The following JARID2 variants were observed in gnomAD, a reference collection of about 807,000 sequenced individuals.
The protein encoded by JARID2 is jumonji and AT-rich interaction domain containing 2, also known as protein Jumonji.
In JARID2, 21 loss-of-function variants were observed where a neutral mutation model predicts 125.6. The ratio of observed to expected loss-of-function variants is 0.17; its 90% CI spans 0.12 to 0.24. The LOEUF (loss-of-function observed/expected upper bound fraction) is 0.24, where lower values mean the gene tolerates loss of function less well. Among genes scored for constraint, JARID2 ranks in the 10% least tolerant of loss-of-function variants. JARID2 has a pLI of 1.00. For missense variants in JARID2, 1,303 were observed against 1,639.6 expected (o/e 0.79, Z 3.55); for synonymous variants, 736 against 661.6 (o/e 1.11, Z -1.73).
chr6:15,412,223 T>C (rs1026806706), intron 3 of JARID2, among the ~76,000 whole-genome samples: 7 of 152,168 alleles, frequency 4.6e-5, no homozygotes, highest in African/African-American at 1.7e-4. Context: ...GGGTAGATTT[T>C]GGGGATGGGC....
At chr6:15,426,497 T>A (rs1264812117) in intron 3 of JARID2, among the ~76,000 whole-genome samples, 1 of 152,200 alleles carries the variant, frequency 6.6e-6, no homozygotes, top group Non-Finnish European at 1.5e-5. Flanking sequence ...GTTTGTAGAA[T>A]TAAATGAAAT....
At chr6:15,306,666 A>C (rs1385029296) in intron 1 of JARID2, among the ~76,000 whole-genome samples, 1 of 151,768 alleles carries the variant, frequency 6.6e-6, no homozygotes, top group Non-Finnish European at 1.5e-5. Flanking sequence ...TAAGGATCAT[A>C]CTGTTTATTT....
At chr6:15,331,747 G>C (rs1762718019) in intron 1 of JARID2, among the ~76,000 whole-genome samples, 2 of 152,098 alleles carry the variant, frequency 1.3e-5, no homozygotes, top group African/African-American at 4.8e-5. Context: ...TTGAACCCAG[G>C]AGGTGGAGGT....
At chr6:15,298,408 G>A (rs1026908823) in intron 1 of JARID2, among the ~76,000 whole-genome samples, 1 of 151,902 alleles carries the variant, frequency 6.6e-6, no homozygotes, top group Non-Finnish European at 1.5e-5. Context: ...GTATCTTTTC[G>A]GGCTCGGTGG....
chr6:15,517,617 G>A (rs1324257023), intron 17 of JARID2, among the ~76,000 whole-genome samples: 2 of 152,208 alleles, frequency 1.3e-5, no homozygotes. Flanking sequence ...GTTGGCAGTG[G>A]CCTCTCCAAT....
At chr6:15,438,234 G>A (rs1767296147) in intron 3 of JARID2, among the ~76,000 whole-genome samples, 1 of 152,178 alleles carries the variant, frequency 6.6e-6, no homozygotes, top group South Asian at 2.1e-4. Context: ...GATTGACACA[G>A]TTAAAGATGG....
intron 2 of JARID2, among the ~76,000 whole-genome samples, chr6:15,375,708 G>A (rs1764327272): frequency 6.6e-6 from 1 of 152,148 alleles, no homozygotes; most frequent in Non-Finnish European, 1.5e-5. Flanking sequence ...CACGTTGAAC[G>A]TAGCATCTTG....
chr6:15,431,012 G>A (rs770837412), intron 3 of JARID2, among the ~76,000 whole-genome samples: 14 of 152,128 alleles, frequency 9.2e-5, no homozygotes, highest in African/African-American at 1.7e-4. Context: ...TATTGGTACC[G>A]TGCAGGGCTG....
chr6:15,260,555 A>C lies in JARID2; in HGVS notation c.45+13971A>C, dbSNP rs572793901. 5.3e-4 allele frequency among the ~76,000 whole-genome samples: 80 copies of C among 152,290 alleles called. 1 individual carries two copies. Among genetic ancestry groups the C allele is most frequent in the African/African-American group, 1.6e-3 (67 of 41,564 alleles). On this transcript the variant is annotated intron_variant, in intron 1 of 17. Coordinates refer to ENST00000341776, the MANE Select transcript of JARID2 (RefSeq NM_004973.4). ...AAGAGGTCGGGAAATACTTGTCTCA[A>C]ATATAAACACCAGCTCAATATAAAC...
At chr6:15,412,954 A>G (rs531337683) in intron 3 of JARID2, among the ~76,000 whole-genome samples, 2 of 134,092 alleles carry the variant, frequency 1.5e-5, no homozygotes, top group Non-Finnish European at 3.2e-5. Context: ...TGGTTTTTTT[A>G]CTTGCGAGTT....
chr6:15,456,612 A>C (rs1768188212), intron 4 of JARID2, among the ~76,000 whole-genome samples: 2 of 152,016 alleles, frequency 1.3e-5, no homozygotes, highest in African/African-American at 2.4e-5. Flanking sequence ...CGGGAGGATA[A>C]GTGTGTTTAC....
chr6:15,453,609 A>T (rs1283018498), intron 4 of JARID2, among the ~76,000 whole-genome samples: 4 of 152,232 alleles, frequency 2.6e-5, no homozygotes, highest in Non-Finnish European at 4.4e-5. Flanking sequence ...AAACTAGTAC[A>T]TACTTCTCAT....
chr6:15,272,800 T>C (rs140791058), intron 1 of JARID2, among the ~76,000 whole-genome samples: 8 of 152,330 alleles, frequency 5.3e-5, no homozygotes, highest in African/African-American at 1.9e-4. Context: ...GTGATAATTA[T>C]AGTACCTGGG....
chr6:15,409,601 A>G (rs539010076), intron 2 of JARID2, among the ~76,000 whole-genome samples: 1 of 152,222 alleles, frequency 6.6e-6, no homozygotes, highest in African/African-American at 2.4e-5. Flanking sequence ...TTTGGTTACT[A>G]AAAGCACATC....
At chr6:15,262,935 C>T (rs183060481) in intron 1 of JARID2, among the ~76,000 whole-genome samples, 140 of 152,236 alleles carry the variant, frequency 9.2e-4, no homozygotes, top group African/African-American at 3.2e-3. Context: ...CGTGCTTATA[C>T]GTATTACTAC....
At chr6:15,289,273 T>C (rs1761115635) in intron 1 of JARID2, among the ~76,000 whole-genome samples, 1 of 152,210 alleles carries the variant, frequency 6.6e-6, no homozygotes, top group Non-Finnish European at 1.5e-5. Context: ...GAAAAATAGT[T>C]AAGAATGGTG....
chr6:15,300,256 AC>A (rs1761557213), intron 1 of JARID2, among the ~76,000 whole-genome samples: 2 of 152,194 alleles, frequency 1.3e-5, no homozygotes, highest in South Asian at 4.1e-4. Context: ...TCTTGTAAAC[AC>A]TTAAAAACCT....
chr6:15,483,530 A>G (rs1769724305), intron 5 of JARID2, among the ~76,000 whole-genome samples: 1 of 152,180 alleles, frequency 6.6e-6, no homozygotes, highest in South Asian at 2.1e-4. Context: ...TTTTGTTGAG[A>G]TAAAATTCAC....
intron 1 of JARID2, among the ~76,000 whole-genome samples, chr6:15,257,697 A>G (rs1171719233): frequency 6.6e-6 from 1 of 152,152 alleles, no homozygotes; most frequent in Non-Finnish European, 1.5e-5. Flanking sequence ...TCTTGGAGAG[A>G]GGCTATACTA....
Sources: gnomAD v4.1 joint callset for allele counts (sites outside exome capture counted in the v4.1 genomes callset) on GRCh38, gnomAD v4.1.1 for gene constraint, MANE v1.5 for transcripts, NCBI Gene and HGNC (gene_info 2026-07-23, HGNC 2026-07-21) for gene names.